TMTC2: variants seen among roughly 807,000 people sequenced by gnomAD.
TMTC2 encodes the protein protein O-mannosyl-transferase TMTC2.
A neutral mutation model predicts 82.4 loss-of-function variants in TMTC2; 43 were observed. The observed-to-expected ratio is 0.52, with a 90% CI of 0.41 to 0.67. TMTC2 has a LOEUF of 0.67. TMTC2 is among the 30% of genes least tolerant of loss of function. The pLI, the probability that TMTC2 is intolerant of heterozygous loss-of-function variation, is 0.00. For missense variants in TMTC2, 919 were observed against 1,012.4 expected (o/e 0.91, Z 1.25); for synonymous variants, 408 against 381.9 (o/e 1.07, Z -0.80).
intron 1 of TMTC2, among the ~76,000 whole-genome samples, chr12:82,691,299 A>G (rs1336435413): frequency 6.6e-6 from 1 of 152,042 alleles, no homozygotes; most frequent in Non-Finnish European, 1.5e-5. Context: ...TGTTACCTGT[A>G]GATCTCTTAG....
At chr12:82,743,047 G>A (rs940517498) in intron 1 of TMTC2, among the ~76,000 whole-genome samples, 1 of 152,190 alleles carries the variant, frequency 6.6e-6, no homozygotes, top group Non-Finnish European at 1.5e-5. Flanking sequence ...AATAGTAGCT[G>A]TGTGGCTGTA....
At chr12:82,814,159 C>T (rs776742382) in intron 1 of TMTC2, among the ~76,000 whole-genome samples, 1 of 152,044 alleles carries the variant, frequency 6.6e-6, no homozygotes, top group African/African-American at 2.4e-5. Flanking sequence ...TCCAGTTAAT[C>T]GGCCTGCAAA....
intron 8 of TMTC2, among the ~76,000 whole-genome samples, chr12:82,991,856 C>T (rs749727430): frequency 1.4e-4 from 21 of 152,206 alleles, no homozygotes; most frequent in Admixed American, 2.6e-4. Context: ...TAGTTGTGTG[C>T]GCATGCTTAC....
At chr12:82,749,739 C>CTTTCTTTCT (rs575985124) in intron 1 of TMTC2, among the ~76,000 whole-genome samples, 5 of 127,144 alleles carry the variant, frequency 3.9e-5, no homozygotes, top group African/African-American at 1.5e-4. Context: ...TTCTTTCTTT[C>CTTTCTTTCT]TTTTTTTTTT....
intron 1 of TMTC2, among the ~76,000 whole-genome samples, chr12:82,818,648 G>T (rs181961195): frequency 6.6e-6 from 1 of 152,248 alleles, no homozygotes; most frequent in East Asian, 1.9e-4. Context: ...TACCTCATAT[G>T]GGAGTGCCCA....
At chr12:82,695,442 G>A (rs1872741732) in intron 1 of TMTC2, among the ~76,000 whole-genome samples, 1 of 152,134 alleles carries the variant, frequency 6.6e-6, no homozygotes, top group South Asian at 2.1e-4. Flanking sequence ...TTGTTATAAA[G>A]CATATTGTTA....
intron 3 of TMTC2, among the ~76,000 whole-genome samples, chr12:82,921,739 TTATTA>T (rs1875404960): frequency 6.6e-6 from 1 of 152,148 alleles, no homozygotes; most frequent in Non-Finnish European, 1.5e-5. Flanking sequence ...GATAAATGCT[TTATTA>T]TATTATATCC....
chr12:83,117,631 T>C (rs11513936), intron 11 of TMTC2, among the ~76,000 whole-genome samples: 41,637 of 152,092 alleles, frequency 0.27, 6,775 homozygotes, highest in African/African-American at 0.47. Context: ...TTGCTTTGGC[T>C]ATGTGGGCTC....
intron 9 of TMTC2, among the ~76,000 whole-genome samples, chr12:83,031,460 T>C (rs1881427789): frequency 6.7e-6 from 1 of 148,656 alleles, no homozygotes; most frequent in Non-Finnish European, 1.5e-5. Context: ...CTCTGCTCTG[T>C]CATTAGTAGT....
At chr12:82,776,227 A>G (rs1253278465) in intron 1 of TMTC2, among the ~76,000 whole-genome samples, 3 of 152,106 alleles carry the variant, frequency 2.0e-5, no homozygotes, top group Non-Finnish European at 2.9e-5. Context: ...TTCAACATAC[A>G]TATGCTAAAT....
intron 1 of TMTC2, among the ~76,000 whole-genome samples, chr12:82,706,630 G>A (rs1873371025): frequency 6.6e-6 from 1 of 152,138 alleles, no homozygotes; most frequent in African/African-American, 2.4e-5. Flanking sequence ...TATTGCCAGT[G>A]GTGATTAGTA....
intron 11 of TMTC2, among the ~76,000 whole-genome samples, chr12:83,095,766 A>C (rs920515841): frequency 6.6e-6 from 1 of 152,162 alleles, no homozygotes; most frequent in African/African-American, 2.4e-5. Flanking sequence ...ATTTGCATGT[A>C]AGCCATCTAT....
At chr12:83,087,193 T>C (rs1401038779) in intron 11 of TMTC2, among the ~76,000 whole-genome samples, 2 of 152,232 alleles carry the variant, frequency 1.3e-5, no homozygotes, top group Non-Finnish European at 2.9e-5. Context: ...TATTTGCTCA[T>C]CCATCAGAAG....
At chr12:82,779,146 G>T (rs1334398800) in intron 1 of TMTC2, among the ~76,000 whole-genome samples, 1 of 151,860 alleles carries the variant, frequency 6.6e-6, no homozygotes, top group Non-Finnish European at 1.5e-5. Flanking sequence ...CATAATATAT[G>T]CAAAGGCAAG....
At chr12:83,095,541 T>A (rs1884002091) in intron 11 of TMTC2, among the ~76,000 whole-genome samples, 5 of 152,176 alleles carry the variant, frequency 3.3e-5, no homozygotes. Context: ...CAAAATTTTA[T>A]GTTTTTTGGC....
intron 8 of TMTC2, among the ~76,000 whole-genome samples, chr12:83,006,807 T>C (rs370197975): frequency 2.0e-5 from 3 of 152,150 alleles, no homozygotes; most frequent in African/African-American, 7.2e-5. Flanking sequence ...TGCAGGGATA[T>C]GGATAAAGCT....
intron 11 of TMTC2, among the ~76,000 whole-genome samples, chr12:83,118,442 T>C (rs1884840772): frequency 1.3e-5 from 2 of 152,206 alleles, no homozygotes; most frequent in African/African-American, 4.8e-5. Context: ...GTGATTTTTG[T>C]TTTTAATTCT....
intron 9 of TMTC2, among the ~76,000 whole-genome samples, chr12:83,040,331 A>G (rs546335063): frequency 2.4e-4 from 36 of 152,262 alleles, no homozygotes; most frequent in Admixed American, 9.2e-4. Flanking sequence ...TGCTGATATT[A>G]TGGAGGACTG....
intron 8 of TMTC2, among the ~76,000 whole-genome samples, chr12:83,012,410 T>G (rs1451144354): frequency 6.6e-6 from 1 of 152,148 alleles, no homozygotes; most frequent in Non-Finnish European, 1.5e-5. Flanking sequence ...GAAGATATCT[T>G]TTTATTTCAT....
Sources: allele counts gnomAD v4.1 joint callset (sites outside exome capture counted in the v4.1 genomes callset), GRCh38; gene constraint gnomAD v4.1.1; transcripts MANE v1.5; gene names NCBI Gene and HGNC (gene_info 2026-07-23, HGNC 2026-07-21).